Variants in CACNA2D2 observed in about 807,000 individuals in gnomAD.
CACNA2D2 encodes calcium voltage-gated channel auxiliary subunit alpha2delta 2.
In CACNA2D2, 48 loss-of-function variants were observed where a neutral mutation model predicts 166.4. That is an observed-to-expected ratio of 0.29 (90% CI 0.23 to 0.37). The LOEUF is 0.37. Ranked by LOEUF, CACNA2D2 falls within the 10% of genes least tolerant of loss-of-function variation. The pLI, the probability that CACNA2D2 is intolerant of heterozygous loss-of-function variation, is 1.00. For missense variants in CACNA2D2, 1,122 were observed against 1,433.0 expected (o/e 0.78, Z 3.50); for synonymous variants, 561 against 573.7 (o/e 0.98, Z 0.32).
Position 50,364,794 on chromosome 3 carries a change from CTGAGG to C in CACNA2D2, c.3299_3303del (p.Thr1100ArgfsTer79), listed in dbSNP as rs1259597503. 6.2e-7 allele frequency: 1 copy of C among 1,609,574 alleles called. No homozygotes were observed. The highest frequency in any genetic ancestry group is 1.7e-5 in the Admixed American group (1 of 59,616). ...GGGAAGGAGGCCCCGCGGCCACAGT[CTGAGG>C]TATCTTCCTGCGGGGAGAGACAAGG... On this transcript the variant is annotated frameshift_variant, in exon 38 of 38. Coordinates refer to ENST00000424201, the MANE Select transcript of CACNA2D2 (RefSeq NM_006030.4). LOFTEE classifies it high-confidence loss of function.
intron 22 of CACNA2D2, chr3:50,373,171 G>C: frequency 5.3e-6 from 6 of 1,141,148 alleles, no homozygotes; most frequent in Non-Finnish European, 7.6e-6. Context: ...GGAAAGGGGA[G>C]GGGCACAAAC....
intron 23 of CACNA2D2, among the ~76,000 whole-genome samples, chr3:50,369,562 G>A (rs1247197769): frequency 6.6e-6 from 1 of 152,210 alleles, no homozygotes; most frequent in African/African-American, 2.4e-5. Flanking sequence ...CAGAGCCCCC[G>A]TGTGCTGCCT....
chr3:50,464,907 T>C (rs1173719959), intron 2 of CACNA2D2, among the ~76,000 whole-genome samples: 2 of 152,190 alleles, frequency 1.3e-5, no homozygotes, highest in East Asian at 3.9e-4. Context: ...TGCCTTTAAG[T>C]GCTTGGCTGC....
At chr3:50,426,788 G>T (rs1470151905) in intron 3 of CACNA2D2, among the ~76,000 whole-genome samples, 3 of 152,112 alleles carry the variant, frequency 2.0e-5, no homozygotes, top group Non-Finnish European at 4.4e-5. Flanking sequence ...AAATCCACAA[G>T]TCAACCTTTC....
At chr3:50,410,480 T>TGGG (rs34908525) in intron 3 of CACNA2D2, among the ~76,000 whole-genome samples, 7,974 of 140,442 alleles carry the variant, frequency 0.057, 336 homozygotes, top group Non-Finnish European at 0.082. Flanking sequence ...CTCCCTGGGA[T>TGGG]GGGGGGGGGG....
At chr3:50,383,762 G>C (rs1433556780) in intron 6 of CACNA2D2, among the ~76,000 whole-genome samples, 4 of 152,132 alleles carry the variant, frequency 2.6e-5, no homozygotes, top group African/African-American at 7.2e-5. Context: ...GTGGTTCCCT[G>C]TCCCCCTACC....
In CACNA2D2 at chr3:50,375,598, G is replaced by A. The variant is rs1431547123; in HGVS notation, c.1907+46C>T. 6.3e-7 allele frequency: 1 copy of A among 1,596,178 alleles called. No homozygotes were observed. Among genetic ancestry groups the A allele is most frequent in the East Asian group, 2.2e-5 (1 of 44,788 alleles). On this transcript the variant is annotated intron_variant, in intron 21 of 37. Transcript: ENST00000424201. This position sits in a 1 kb window ranked among gnomAD's most constrained non-coding sequence, Gnocchi z 4.0. ...GAGGGGACAGCTGGGCTCAGATTCT[G>A]GGGCCACCCCACCCTCTCTGCCCGC...
chr3:50,395,652 T>C (rs943173423), intron 3 of CACNA2D2, among the ~76,000 whole-genome samples: 3 of 152,074 alleles, frequency 2.0e-5, no homozygotes, highest in Non-Finnish European at 4.4e-5. Context: ...TTAGGGGAAG[T>C]GGAAGTCAGG....
In CACNA2D2 at chr3:50,490,073, C is replaced by T. The variant is rs923257227; in HGVS notation, c.206+13145G>A. ...CAGGAAGCAGGTCCTGAAAGATGGG[C>T]AGGCTGTGGAGTGGGCGGCAGGGCA... On this transcript the variant is annotated intron_variant, in intron 1 of 37. Transcript: ENST00000424201. Among the ~76,000 whole-genome samples, 14 of 152,246 alleles carry T rather than the reference C, an allele frequency of 9.2e-5. No homozygotes were observed. In the East Asian group the frequency reaches 2.1e-3, roughly 23 times the overall value.
rs752176857 is a variant in CACNA2D2 at position 50,367,429 on chromosome 3, T to G, written c.2366A>C (p.Asn789Thr). The G allele has an allele frequency of 1.2e-6, 2 of 1,613,664 alleles. No individual in the cohort carries two copies. Among genetic ancestry groups the G allele is most frequent in the Non-Finnish European group, 1.7e-6 (2 of 1,180,008 alleles). ...TGGGGGCTTGAAGACATAACCGTGG[T>G]TATCCAGGCTGCGGCGGTAGAAGCT... is the stretch of plus-strand genomic sequence containing the variant. ...NASFYRRSLD[N>T]HGYVFKPPHQ... Residue 789 changes from asparagine to threonine, a missense_variant, in exon 27 of 38, where the codon AAC becomes ACC. Around this residue, in one of 2 missense-constraint regions of CACNA2D2, gnomAD observed 840 missense variants for 1,166.8 expected, o/e 0.72. Coordinates refer to ENST00000424201, the MANE Select transcript of CACNA2D2 (RefSeq NM_006030.4). The surrounding 1 kb of genome is among the most constrained non-coding windows in gnomAD (Gnocchi z 6.5).
At chr3:50,471,855 TG>T (rs1242063311) in intron 2 of CACNA2D2, among the ~76,000 whole-genome samples, 1 of 152,196 alleles carries the variant, frequency 6.6e-6, no homozygotes, top group Non-Finnish European at 1.5e-5. Context: ...GGCACAGAGA[TG>T]GCTGGGGGCA....
intron 2 of CACNA2D2, among the ~76,000 whole-genome samples, chr3:50,462,430 A>AATAATAATAATAATG (rs879341559): frequency 1.1e-4 from 16 of 141,944 alleles, no homozygotes; most frequent in African/African-American, 3.5e-4. Context: ...TAATAATAAT[A>AATAATAATAATAATG]ATGATAATAA....
At chr3:50,461,725 C>A (rs1709588982) in intron 2 of CACNA2D2, among the ~76,000 whole-genome samples, 1 of 143,184 alleles carries the variant, frequency 7.0e-6, no homozygotes, top group African/African-American at 2.6e-5. Flanking sequence ...CATGCCACTG[C>A]ACTCCAGCCT....
intron 2 of CACNA2D2, among the ~76,000 whole-genome samples, chr3:50,459,709 A>G (rs1399853450): frequency 6.6e-6 from 1 of 152,214 alleles, no homozygotes; most frequent in Non-Finnish European, 1.5e-5. Context: ...CACTTGTACC[A>G]GGACCCCGGG....
At chr3:50,471,607 G>C (rs1323479807) in intron 2 of CACNA2D2, among the ~76,000 whole-genome samples, 1 of 152,242 alleles carries the variant, frequency 6.6e-6, no homozygotes, top group African/African-American at 2.4e-5. Context: ...CCCAGAGTCA[G>C]TGTGTGAGTG....
chr3:50,428,485 A>AT (rs1300979496), intron 3 of CACNA2D2, among the ~76,000 whole-genome samples: 1 of 152,164 alleles, frequency 6.6e-6, no homozygotes, highest in East Asian at 1.9e-4. Context: ...ACTGCCAACA[A>AT]TGCATCACTT....
chr3:50,460,958 A>C (rs1000689885), intron 2 of CACNA2D2, among the ~76,000 whole-genome samples: 2 of 152,208 alleles, frequency 1.3e-5, no homozygotes, highest in African/African-American at 4.8e-5. Context: ...AAAGACACAG[A>C]AATGGAATAT....
chr3:50,379,450 G>C lies in CACNA2D2; in HGVS notation c.1134C>G (p.Ala378=), dbSNP rs765136275. The change falls in exon 11 of 38, where the codon GCC becomes GCG. Residue 378 remains alanine (A), a synonymous_variant. Transcript: ENST00000424201. This position sits in a 1 kb window ranked among gnomAD's most constrained non-coding sequence, Gnocchi z 6.5. ...TTGYKAGFEY[A]FDQLQNSNIT... The stretch of plus-strand genomic sequence containing the variant: ...GGCTCACGTTCTGCAGCTGGTCAAA[G>C]GCATACTCAAAGCCGGCCTTGTAGC... The C allele has an allele frequency of 6.2e-7, 1 of 1,613,696 alleles. No individual in the cohort carries two copies. The highest frequency in any genetic ancestry group is 8.5e-7 in the Non-Finnish European group (1 of 1,179,978).
chr3:50,422,088 A>G (rs1282957409), intron 3 of CACNA2D2, among the ~76,000 whole-genome samples: 2 of 152,054 alleles, frequency 1.3e-5, no homozygotes, highest in Non-Finnish European at 2.9e-5. Flanking sequence ...CTTTAGCACC[A>G]GGAGCTGTCA....
Sources: gnomAD v4.1 joint callset for allele counts (sites outside exome capture counted in the v4.1 genomes callset) on GRCh38, gnomAD v4.1.1 for gene constraint, gnomAD v4.1.1 regional missense constraint, Gnocchi (gnomAD v3.1) non-coding constraint, MANE v1.5 for transcripts, NCBI Gene and HGNC (gene_info 2026-07-23, HGNC 2026-07-21) for gene names.